WDR27: variants seen among roughly 807,000 people sequenced by gnomAD.
The protein encoded by WDR27 is WD repeat domain 27.
A neutral mutation model predicts 114.4 loss-of-function variants in WDR27; 100 were observed. The ratio of observed to expected loss-of-function variants is 0.87; its 90% CI spans 0.74 to 1.03. The LOEUF (loss-of-function observed/expected upper bound fraction) is 1.03. Ranked by LOEUF, WDR27 falls within the 50% of genes least tolerant of loss-of-function variation. The probability of loss-of-function intolerance (pLI) is 0.00; values close to 1 mark genes in which losing one functional copy is unlikely to be tolerated. For synonymous variants in WDR27, 449 were observed against 423.1 expected, an observed-to-expected ratio of 1.06 and a Z score of -0.75; for missense variants, 1,129 against 1,092.9, an observed-to-expected ratio of 1.03 and a Z score of -0.47.
chr6:169,629,453 G>A (rs569798968), intron 21 of WDR27, among the ~76,000 whole-genome samples: 13 of 152,170 alleles, frequency 8.5e-5, no homozygotes, highest in Non-Finnish European at 1.9e-4. Context: ...TGGAAATGCT[G>A]ACAGACCATT....
the WDR27 span, among the ~76,000 whole-genome samples, chr6:169,436,123 G>A: frequency 1.3e-5 from 2 of 152,022 alleles, no homozygotes; most frequent in South Asian, 2.1e-4. Flanking sequence ...GAGCTCTATC[G>A]GGTTAAGGAG....
chr6:169,653,287 T>C (rs903302461), intron 13 of WDR27, among the ~76,000 whole-genome samples: 4 of 152,246 alleles, frequency 2.6e-5, no homozygotes, highest in Admixed American at 2.6e-4. Flanking sequence ...TAGAAATGTA[T>C]ATATACATAT....
At chr6:169,657,654 A>T (rs1220205135) in intron 13 of WDR27, 1 of 152,728 alleles carries the variant, frequency 6.5e-6, no homozygotes, top group East Asian at 1.9e-4. Flanking sequence ...GAAAGGGAAC[A>T]TAATGACGTT....
chr6:169,480,188 C>A (rs568819081), intron 25 of WDR27, among the ~76,000 whole-genome samples: 2 of 152,346 alleles, frequency 1.3e-5, no homozygotes, highest in Non-Finnish European at 2.9e-5. Flanking sequence ...TGGGCCAGCA[C>A]CTGTGGAAGG....
At chr6:169,553,286 G>A (rs929971393) in intron 25 of WDR27, among the ~76,000 whole-genome samples, 42 of 152,200 alleles carry the variant, frequency 2.8e-4, no homozygotes, top group Non-Finnish European at 4.1e-4. Flanking sequence ...GCCCAGCAAC[G>A]TCTCCCTGCC....
At chr6:169,479,959 G>C (rs1239570969) in intron 25 of WDR27, among the ~76,000 whole-genome samples, 1 of 152,252 alleles carries the variant, frequency 6.6e-6, no homozygotes, top group Non-Finnish European at 1.5e-5. Context: ...CCTTCAGCCA[G>C]CCACTGCACT....
intron 2 of WDR27, among the ~76,000 whole-genome samples, chr6:169,675,111 C>T (rs932085524): frequency 1.3e-4 from 20 of 152,248 alleles, no homozygotes; most frequent in African/African-American, 3.9e-4. Flanking sequence ...ATATGATGGC[C>T]GAGCTTGGGC....
intron 4 of WDR27, 136 bp from the exon 5 acceptor site, chr6:169,668,321 G>T: frequency 1.2e-6 from 1 of 827,144 alleles, no homozygotes; most frequent in Non-Finnish European, 1.9e-6. Flanking sequence ...GTTAAAAGCC[G>T]ACACTGACTG....
At chr6:169,582,814 C>T in intron 24 of WDR27, 22 bp downstream of exon 24, 1 of 1,594,148 alleles carries the variant, frequency 6.3e-7, no homozygotes, top group Non-Finnish European at 8.6e-7. Context: ...AGAGGCGCCC[C>T]ACCCACTCAG....
At chr6:169,636,275 G>A in intron 19 of WDR27, 96 bp downstream of exon 19, 2 of 1,417,804 alleles carry the variant, frequency 1.4e-6, no homozygotes, top group Non-Finnish European at 1.9e-6. Context: ...TATTAAATTT[G>A]GGGCAACATT....
In WDR27 at chr6:169,583,865, TG is replaced by T. The variant is rs776298320; in HGVS notation, c.2425-932del. ...ATGAAGATAATAGTACTAGTTACTGTGGAGAGGTGGACTCTCATATCTATCA... is the reference window on the plus strand; with the variant it reads ...ATGAAGATAATAGTACTAGTTACTGTGAGAGGTGGACTCTCATATCTATCA... On this transcript the variant is annotated intron_variant, in intron 23 of 25. Coordinates refer to ENST00000448612, the MANE Select transcript of WDR27 (RefSeq NM_182552.5). Among the ~76,000 whole-genome samples, 111 of 152,314 alleles carry T rather than the reference TG, an allele frequency of 7.3e-4. 1 individual carries two copies. Among genetic ancestry groups the T allele is most frequent in the South Asian group, 6.2e-4 (3 of 4,828 alleles).
At chr6:169,448,392 ATG>A in the WDR27 span, among the ~76,000 whole-genome samples, 850 of 132,028 alleles carry the variant, frequency 6.4e-3, 1 homozygote, top group South Asian at 0.013. Flanking sequence ...CTCTGTCTCT[ATG>A]TGTGTGTGTG....
intron 24 of WDR27, among the ~76,000 whole-genome samples, chr6:169,576,700 G>A (rs1008835914): frequency 6.6e-6 from 1 of 151,062 alleles, no homozygotes; most frequent in Admixed American, 6.6e-5. Flanking sequence ...CCAGGAGTTC[G>A]AGGCTGCACT....
intron 13 of WDR27, 149 bp downstream of exon 13, chr6:169,658,127 G>C (rs564999774): frequency 2.1e-5 from 14 of 656,310 alleles, no homozygotes; most frequent in South Asian, 2.1e-4. Context: ...GAACACGCAC[G>C]AGAGGCAGAG....
intron 25 of WDR27, among the ~76,000 whole-genome samples, chr6:169,465,117 G>A (rs1785382484): frequency 6.6e-6 from 1 of 152,152 alleles, no homozygotes; most frequent in South Asian, 2.1e-4. Context: ...AATTAGCTGG[G>A]TGTGGGGGCG....
intron 24 of WDR27, among the ~76,000 whole-genome samples, chr6:169,582,511 C>T (rs574262335): frequency 2.0e-5 from 3 of 152,140 alleles, no homozygotes; most frequent in South Asian, 2.1e-4. Context: ...CCCATGTAAC[C>T]GTATTTGTCT....
At chr6:169,612,040 G>A (rs1318686968) in intron 22 of WDR27, among the ~76,000 whole-genome samples, 2 of 152,118 alleles carry the variant, frequency 1.3e-5, no homozygotes, top group Non-Finnish European at 2.9e-5. Flanking sequence ...GGAGGCTGAG[G>A]CAGGAGAATG....
intron 23 of WDR27, among the ~76,000 whole-genome samples, chr6:169,597,373 T>C (rs1437998228): frequency 1.3e-5 from 2 of 152,162 alleles, no homozygotes; most frequent in Non-Finnish European, 2.9e-5. Flanking sequence ...GACATACTTG[T>C]AATTTTTGAC....
At chr6:169,591,683 CTT>C (rs1190840708) in intron 23 of WDR27, among the ~76,000 whole-genome samples, 2 of 152,124 alleles carry the variant, frequency 1.3e-5, no homozygotes, top group Admixed American at 6.5e-5. Flanking sequence ...AGTCATTACT[CTT>C]TGGATGGTCA....
Sources: allele counts gnomAD v4.1 joint callset (sites outside exome capture counted in the v4.1 genomes callset), GRCh38; gene constraint gnomAD v4.1.1; transcripts MANE v1.5; gene names NCBI Gene and HGNC (gene_info 2026-07-23, HGNC 2026-07-21).